Variants in AMPD2 observed in about 807,000 individuals in gnomAD.
The protein encoded by AMPD2 is AMP deaminase 2.
In AMPD2, 52 loss-of-function variants were observed where a neutral mutation model predicts 91.3. That is an observed-to-expected ratio of 0.57 (90% CI 0.46 to 0.72). The LOEUF (loss-of-function observed/expected upper bound fraction) is 0.72, where lower values mean the gene tolerates loss of function less well. Ranked by LOEUF, AMPD2 falls within the 30% of genes least tolerant of loss-of-function variation. The probability of loss-of-function intolerance (pLI) is 0.00; values close to 1 mark genes in which losing one functional copy is unlikely to be tolerated. For synonymous variants in AMPD2, 455 were observed against 456.4 expected, an observed-to-expected ratio of 1.00 and a Z score of 0.04; for missense variants, 822 against 1,122.3, an observed-to-expected ratio of 0.73 and a Z score of 3.82.
chr1:109,629,033 C>G (rs1015842801), intron 13 of AMPD2, 76 bp from the exon 14 acceptor site: 1 of 1,581,558 alleles, frequency 6.3e-7, no homozygotes, highest in African/African-American at 1.3e-5. Flanking sequence ...GGGCCAAGCT[C>G]TGACCCTTGC....
chr1:109,620,594 TC>T, intron 1 of AMPD2: 1 of 1,218,976 alleles, frequency 8.2e-7, no homozygotes, highest in South Asian at 2.3e-5. Flanking sequence ...TCTCGGTTCT[TC>T]CCCCTCCTCC....
rs749200328 is a variant in AMPD2 at position 109,621,132 on chromosome 1, G to T, written c.-44G>T. ...GATGTGGCAGAGCCAGGCCCCAGCC[G>T]GTGCCGCTCAGACTCCCCCGCTGTC... On this transcript the variant is annotated 5_prime_UTR_variant, in exon 2 of 19. Transcript: ENST00000528667. The T allele has an allele frequency of 1.3e-6, 2 of 1,598,502 alleles. No individual in the cohort carries two copies. Among genetic ancestry groups the T allele is most frequent in the East Asian group, 4.6e-5 (2 of 43,864 alleles).
intron 2 of AMPD2, chr1:109,621,543 G>A (rs1650276477): frequency 1.8e-6 from 1 of 568,320 alleles, no homozygotes; most frequent in East Asian, 3.1e-5. Context: ...ATGCACACGT[G>A]TCAGCGTGTG....
At position 109,624,155 on chromosome 1, in the gene AMPD2, C is replaced by G. The variant is rs868152382; in HGVS notation, c.92-1148C>G. ...TCCTGGATCTGGGGCAGGCCCCTCC[C>G]TCTTCCCTTTGTCCAGCTTTGGGAC... On this transcript the variant is annotated intron_variant, in intron 2 of 18. Coordinates refer to ENST00000528667, the MANE Select transcript of AMPD2 (RefSeq NM_001368809.2). This position sits in a 1 kb window ranked among gnomAD's most constrained non-coding sequence, Gnocchi z 5.2. The G allele has an allele frequency of 4.6e-6, 4 of 864,528 alleles. No homozygotes were observed. The highest frequency in any genetic ancestry group is 5.9e-4 in the Middle Eastern group (1 of 1,692). The allele number at this position is 864,528 out of a possible 1,614,324, so 53.6% of individuals were successfully genotyped here. A position where few individuals can be genotyped will look rare whatever the true frequency, so the allele number is the denominator to read the frequency against.
chr1:109,628,651 G>A lies in AMPD2; in HGVS notation c.1416G>A (p.Met472Ile), dbSNP rs1473278743. The A allele has an allele frequency of 1.2e-6, 2 of 1,613,870 alleles. No homozygotes were observed. Among genetic ancestry groups the A allele is most frequent in the South Asian group, 1.1e-5 (1 of 91,070 alleles). Residue 472 changes from methionine to isoleucine, a missense_variant, in exon 13 of 19, where the codon ATG (methionine) becomes ATA (isoleucine). By Grantham distance (10) the Met-to-Ile change is conservative. This residue lies in a region of AMPD2 where 430 missense variants were observed against 606.0 expected (regional missense o/e 0.71). Coordinates refer to ENST00000528667, the MANE Select transcript of AMPD2 (RefSeq NM_001368809.2). The surrounding 1 kb of genome is among the most constrained non-coding windows in gnomAD (Gnocchi z 7.1). ...GCTCACCTCATGTCTAGGAGGTGAT[G>A]TCAGACCTGGAGGAGAGCAAATACC... ...KYFAHIIKEV[M>I]SDLEESKYQN... is the part of the protein sequence containing the mutation.
chr1:109,627,004 C>T (rs1285573510), intron 7 of AMPD2, 92 bp downstream of exon 7: 22 of 1,547,696 alleles, frequency 1.4e-5, no homozygotes, highest in Non-Finnish European at 1.7e-5. Flanking sequence ...GCCTGCCTCT[C>T]CCTACAACCC....
In AMPD2 at chr1:109,630,272, G is replaced by A. The variant is rs779989023; in HGVS notation, c.2023G>A (p.Gly675Ser). 6 of 1,613,576 alleles carry A rather than the reference G, an allele frequency of 3.7e-6. No homozygotes were observed. The African/African-American group carries it at 6.7e-5, about 18-fold the overall frequency. Residue 675 changes from glycine (G) to serine (S), a missense_variant, in exon 17 of 19, where the codon GGC becomes AGC. Transcript: ENST00000528667. The part of the protein sequence containing the change: ...LQYLYYLAQI[G>S]IAMSPLSNNS... ...GTACCTGTACTACCTGGCCCAGATCGGCATCGCCATGTCTCCGCTCAGCAA... is the reference window on the plus strand; with the variant it reads ...GTACCTGTACTACCTGGCCCAGATCAGCATCGCCATGTCTCCGCTCAGCAA...
intron 10 of AMPD2, 78 bp downstream of exon 10, chr1:109,627,981 C>G: frequency 6.2e-7 from 1 of 1,605,636 alleles, no homozygotes; most frequent in Non-Finnish European, 8.5e-7. Flanking sequence ...GGCCAGGCCC[C>G]CCACACAGCA....
At position 109,631,181 on chromosome 1, in the gene AMPD2, G is replaced by A. The variant is rs773092399; in HGVS notation, c.*29G>A. 4.5e-6 allele frequency: 7 copies of A among 1,551,278 alleles called. No individual in the cohort carries two copies. The African/African-American group carries it at 9.6e-5, about 21-fold the overall frequency. On this transcript the variant is annotated 3_prime_UTR_variant, in exon 19 of 19. Coordinates refer to ENST00000528667, the MANE Select transcript of AMPD2 (RefSeq NM_001368809.2). ...TGGTCCATGAAGTGCCCACCACATC[G>A]CAGCACTTTTACCACGTTTTGTCCT... is the stretch of plus-strand genomic sequence containing the variant.
chr1:109,620,769 G>C, intron 1 of AMPD2, 145 bp from the exon 2 acceptor site: 5 of 1,285,584 alleles, frequency 3.9e-6, no homozygotes, highest in Non-Finnish European at 4.9e-6. Flanking sequence ...AGGCTAGCTG[G>C]AAGGACCAGC....
Position 109,624,796 on chromosome 1 carries a change from C to G in AMPD2, c.92-507C>G, listed in dbSNP as rs574273978. On this transcript the variant is annotated intron_variant, in intron 2 of 18. Coordinates refer to ENST00000528667, the MANE Select transcript of AMPD2 (RefSeq NM_001368809.2). The surrounding 1 kb of genome is among the most constrained non-coding windows in gnomAD (Gnocchi z 5.2). ...TAGGATGTCAGGCACAGGGCCCTGC[C>G]CCTTTGAGTGGAGAATCTGCTAGTC... 6.6e-6 allele frequency among the ~76,000 whole-genome samples: 1 copy of G among 152,260 alleles called. No individual in the cohort carries two copies. The highest frequency in any genetic ancestry group is 6.5e-5 in the Admixed American group (1 of 15,304).
chr1:109,631,124 G>A lies in AMPD2; in HGVS notation c.2450G>A (p.Gly817Asp), dbSNP rs1350487018. 1 of 1,595,276 alleles carries A rather than the reference G, an allele frequency of 6.3e-7. No homozygotes were observed. The highest frequency in any genetic ancestry group is 8.5e-7 in the Non-Finnish European group (1 of 1,171,266). The change falls in exon 19 of 19, where the codon GGT becomes GAT. Residue 817 changes from glycine (G) to aspartate (D), a missense_variant. Coordinates refer to ENST00000528667, the MANE Select transcript of AMPD2 (RefSeq NM_001368809.2). ...CTGGAGACCATTCCAGAGGAGGCGG[G>A]TATCACCATGAGCCCAGGGCCTCAA... The part of the protein sequence containing the change: ...EMLETIPEEA[G>D]ITMSPGPQ
At chr1:109,629,282 G>T (rs763927036) in intron 14 of AMPD2, 45 bp from the exon 15 acceptor site, 2 of 1,613,924 alleles carry the variant, frequency 1.2e-6, no homozygotes, top group East Asian at 4.5e-5. Context: ...AGCCGGCTTC[G>T]CATCCAGCTG....
At chr1:109,621,723 T>C (rs12094044) in intron 2 of AMPD2, among the ~76,000 whole-genome samples, 2,317 of 152,312 alleles carry the variant, frequency 0.015, 58 homozygotes, top group African/African-American at 0.053. Flanking sequence ...TCCCCCTCAC[T>C]GGGGGTCTGA....
chr1:109,626,460 A>G lies in AMPD2; in HGVS notation c.531+33A>G, dbSNP rs1412184675. 1.9e-6 allele frequency: 3 copies of G among 1,561,162 alleles called. No homozygotes were observed. In the Admixed American group the frequency reaches 6.1e-5, roughly 32 times the overall value. On this transcript the variant is annotated intron_variant, in intron 6 of 18. Coordinates refer to ENST00000528667, the MANE Select transcript of AMPD2 (RefSeq NM_001368809.2). ...TGGGGTGTATGTTGGGTGAGTCGCC[A>G]TCACCTATGTCTTAGTGGGTTCCCC...
intron 2 of AMPD2, chr1:109,622,083 C>G: frequency 2.5e-6 from 1 of 400,508 alleles, no homozygotes; most frequent in Non-Finnish European, 5.1e-6. Flanking sequence ...AAAGACCCAC[C>G]CTGACTTTGA....
chr1:109,624,942 C>T lies in AMPD2; in HGVS notation c.92-361C>T, dbSNP rs982978243. Among the ~76,000 whole-genome samples, 4 of 152,146 alleles carry T rather than the reference C, an allele frequency of 2.6e-5. No homozygotes were observed. The highest frequency in any genetic ancestry group is 4.8e-5 in the African/African-American group (2 of 41,410). ...GTCTCTGAGGGTGTCTGTGTGCGTA[C>T]GTGCATGTGTGTGCACACGTACACA... On this transcript the variant is annotated intron_variant, in intron 2 of 18. Coordinates refer to ENST00000528667, the MANE Select transcript of AMPD2 (RefSeq NM_001368809.2). The surrounding 1 kb of genome is among the most constrained non-coding windows in gnomAD (Gnocchi z 5.2).
Position 109,625,573 on chromosome 1 carries a change from C to T in AMPD2, c.223-89C>T, listed in dbSNP as rs1224025254. 1.1e-5 allele frequency: 18 copies of T among 1,596,730 alleles called. No individual in the cohort carries two copies. In the East Asian group the frequency reaches 4.0e-4, roughly 36 times the overall value. On this transcript the variant is annotated intron_variant, in intron 3 of 18. Transcript: ENST00000528667. The surrounding 1 kb of genome is among the most constrained non-coding windows in gnomAD (Gnocchi z 4.0). ...TCAGCCTCTCCCAGGTACCCCTGGT[C>T]CTGCTGCCCTCACCCCATCCCCAGA...
rs1451920031 is a variant in AMPD2, at chr1:109,631,533, C to T, written c.*381C>T. ...GGCAAATCTAAGCCTTGGCCAGGGC[C>T]GAAGTTTAGGCCCCTGTCTTGTTCA... On this transcript the variant is annotated 3_prime_UTR_variant, in exon 19 of 19. Transcript: ENST00000528667. 10 of 325,108 alleles carry T rather than the reference C, an allele frequency of 3.1e-5. No individual in the cohort carries two copies. Among genetic ancestry groups the T allele is most frequent in the Admixed American group, 1.9e-4 (4 of 21,602 alleles). The allele number at this position is 325,108 out of a possible 1,614,324, so 20.1% of individuals were successfully genotyped here.
Sources: allele counts gnomAD v4.1 joint callset (sites outside exome capture counted in the v4.1 genomes callset), GRCh38; gene constraint gnomAD v4.1.1; regional missense constraint gnomAD v4.1.1; non-coding constraint Gnocchi (gnomAD v3.1); transcripts MANE v1.5; gene names NCBI Gene and HGNC (gene_info 2026-07-23, HGNC 2026-07-21).